DLGAP2: variants seen among roughly 807,000 people sequenced by gnomAD.
DLGAP2 encodes disks large-associated protein 2.
DLGAP2 carries 26 observed loss-of-function variants against 100.3 expected under a neutral mutation model. The observed-to-expected ratio is 0.26, with a 90% CI of 0.19 to 0.36. The LOEUF (loss-of-function observed/expected upper bound fraction) is 0.36. Ranked by LOEUF, DLGAP2 falls within the 10% of genes least tolerant of loss-of-function variation. The pLI is 1.00. For synonymous variants in DLGAP2, 886 were observed against 630.1 expected (o/e 1.41, Z -6.08); for missense variants, 1,858 against 1,453.2 (o/e 1.28, Z -4.53).
chr8:831,907 C>G lies in DLGAP2; in HGVS notation c.19-76005C>G, dbSNP rs1796791624. On this transcript the variant is annotated intron_variant, in intron 1 of 14. Transcript: ENST00000637795. ...TCCAGACTTTTTAATAATCACCATG[C>G]TGACTGGCGTGAGATGGTATCTCAT... Among the ~76,000 whole-genome samples, 4 of 152,184 alleles carry G rather than the reference C, an allele frequency of 2.6e-5. No individual in the cohort carries two copies. In the South Asian group the frequency reaches 8.3e-4, roughly 32 times the overall value.
chr8:1,497,263 C>A (rs541270556), intron 3 of DLGAP2, among the ~76,000 whole-genome samples: 1 of 152,190 alleles, frequency 6.6e-6, no homozygotes, highest in East Asian at 1.9e-4. Context: ...CAGAGGTCGG[C>A]GCTGTCAGTT....
At chr8:1,204,143 G>A (rs957148243) in intron 2 of DLGAP2, among the ~76,000 whole-genome samples, 4 of 152,326 alleles carry the variant, frequency 2.6e-5, no homozygotes, top group African/African-American at 4.8e-5. Flanking sequence ...CAGCAATGCC[G>A]GTCCACAGAC....
chr8:1,418,000 G>T (rs533835219), intron 3 of DLGAP2, among the ~76,000 whole-genome samples: 2 of 152,308 alleles, frequency 1.3e-5, no homozygotes, highest in African/African-American at 4.8e-5. Flanking sequence ...CACGTTTGGA[G>T]AATGGGCTCT....
intron 2 of DLGAP2, among the ~76,000 whole-genome samples, chr8:1,043,057 G>T (rs1802406579): frequency 6.7e-6 from 1 of 148,402 alleles, no homozygotes; most frequent in Admixed American, 6.7e-5. Flanking sequence ...TGGCTGGCAG[G>T]TGGTGGATGT....
chr8:1,347,393 G>A (rs987547283), intron 3 of DLGAP2, among the ~76,000 whole-genome samples: 1 of 151,684 alleles, frequency 6.6e-6, no homozygotes, highest in Non-Finnish European at 1.5e-5. Flanking sequence ...TGGTAGCTGT[G>A]TGGAGGTTCA....
chr8:798,399 C>T (rs1438820270), intron 1 of DLGAP2, among the ~76,000 whole-genome samples: 2 of 149,336 alleles, frequency 1.3e-5, no homozygotes, highest in African/African-American at 4.9e-5. Context: ...CGGGTGCCTG[C>T]TTCCGTTGGC....
At chr8:1,256,381 T>C in intron 2 of DLGAP2, among the ~76,000 whole-genome samples, 1 of 130,506 alleles carries the variant, frequency 7.7e-6, no homozygotes, top group Non-Finnish European at 1.6e-5. Flanking sequence ...TGTCCTCTCA[T>C]CCTGCCTGGG....
chr8:1,330,504 G>T (rs567992662), intron 3 of DLGAP2, among the ~76,000 whole-genome samples: 1 of 140,872 alleles, frequency 7.1e-6, no homozygotes, highest in East Asian at 2.2e-4. Flanking sequence ...TGGGAGCACC[G>T]CTTCACGGGG....
rs567737854 is a variant in DLGAP2, at chr8:1,110,879, C to T, written c.74-147972C>T. ...GTGCCTGGTGCAGGGCTCAGCTACCCCTGTCTGTGGGGCCCTTCCCTGTGG... is the reference window on the plus strand; with the variant it reads ...GTGCCTGGTGCAGGGCTCAGCTACCTCTGTCTGTGGGGCCCTTCCCTGTGG... On this transcript the variant is annotated intron_variant, in intron 2 of 14. Transcript: ENST00000637795. 5.9e-5 allele frequency among the ~76,000 whole-genome samples: 9 copies of T among 152,168 alleles called. No individual in the cohort carries two copies. In the East Asian group the frequency reaches 1.6e-3, roughly 26 times the overall value.
rs1368809073 is a variant in DLGAP2 at position 1,227,169 on chromosome 8, TATATAG to T, written c.74-31681_74-31676del. On this transcript the variant is annotated intron_variant, in intron 2 of 14. Coordinates refer to ENST00000637795, the MANE Select transcript of DLGAP2 (RefSeq NM_001346810.2). Reference sequence around the variant, plus strand: ...AAACTGTGAGATATATATATATATATATATAGTATAGATATATATTATCCATTCATT... The same window carrying T: ...AAACTGTGAGATATATATATATATATTATAGATATATATTATCCATTCATT... Among the ~76,000 whole-genome samples the T allele has an allele frequency of 5.2e-5, 7 of 134,762 alleles. 1 individual carries two copies. The highest frequency in any genetic ancestry group is 2.2e-4 in the African/African-American group (7 of 31,382). 88.4% of individuals were successfully genotyped at this position (134,762 alleles called of 152,430 possible). A position where few individuals can be genotyped will look rare whatever the true frequency, so the allele number is the denominator to read the frequency against.
At chr8:998,483 T>C (rs1412592495) in intron 2 of DLGAP2, among the ~76,000 whole-genome samples, 5 of 148,076 alleles carry the variant, frequency 3.4e-5, no homozygotes, top group African/African-American at 7.4e-5. Flanking sequence ...TTTTTTTTTT[T>C]CTAGAGATAG....
chr8:762,050 C>T (rs772688530), intron 1 of DLGAP2, among the ~76,000 whole-genome samples: 12 of 152,114 alleles, frequency 7.9e-5, no homozygotes, highest in Admixed American at 5.9e-4. Context: ...TGGGTTTTGG[C>T]GTATATCTTC....
intron 2 of DLGAP2, among the ~76,000 whole-genome samples, chr8:983,477 C>T (rs1012679911): frequency 3.3e-5 from 5 of 152,296 alleles, no homozygotes; most frequent in African/African-American, 7.2e-5. Context: ...TTAGAATCCA[C>T]GTGTTGGTGG....
At chr8:773,794 A>G (rs1372652225) in intron 1 of DLGAP2, among the ~76,000 whole-genome samples, 5 of 152,154 alleles carry the variant, frequency 3.3e-5, no homozygotes, top group Non-Finnish European at 7.3e-5. Flanking sequence ...TGTGAATAAT[A>G]CCACAATAAA....
rs1563224713 is a variant in DLGAP2 at position 1,565,871 on chromosome 8, G to C, written c.1419G>C (p.Gln473His). 6.2e-7 allele frequency: 1 copy of C among 1,609,524 alleles called. No homozygotes were observed. Among genetic ancestry groups the C allele is most frequent in the Middle Eastern group, 1.7e-4 (1 of 5,898 alleles). Residue 473 changes from glutamine to histidine, a missense_variant, in exon 6 of 15, where the codon CAG (glutamine) becomes CAC (histidine). By Grantham distance (24) the Gln-to-His change is conservative. Coordinates refer to ENST00000637795, the MANE Select transcript of DLGAP2 (RefSeq NM_001346810.2). Reference sequence around the variant, plus strand: ...AGCCGCTGCTGAAGTCCATCGGACAGAGACCGCTTGGAGAGCACCAGACGT... The same window carrying C: ...AGCCGCTGCTGAAGTCCATCGGACACAGACCGCTTGGAGAGCACCAGACGT... ...LPEPLLKSIG[Q>H]RPLGEHQTQT...
At chr8:1,650,240 AG>A (rs1474031943) in intron 8 of DLGAP2, among the ~76,000 whole-genome samples, 2 of 152,262 alleles carry the variant, frequency 1.3e-5, no homozygotes, top group Admixed American at 6.5e-5. Flanking sequence ...GATAATGGAG[AG>A]GTACTTTATA....
intron 6 of DLGAP2, among the ~76,000 whole-genome samples, chr8:1,608,823 G>A (rs959590041): frequency 6.6e-6 from 1 of 150,868 alleles, no homozygotes; most frequent in East Asian, 2.0e-4. Context: ...AATGAAGCGA[G>A]AAGGGAAGGT....
At chr8:1,204,963 T>G (rs1052755828) in intron 2 of DLGAP2, among the ~76,000 whole-genome samples, 1 of 152,172 alleles carries the variant, frequency 6.6e-6, no homozygotes, top group African/African-American at 2.4e-5. Flanking sequence ...GCAGGATTAA[T>G]TCAGTGGGGC....
At chr8:1,196,532 C>T (rs1000511148) in intron 2 of DLGAP2, among the ~76,000 whole-genome samples, 1 of 152,180 alleles carries the variant, frequency 6.6e-6, no homozygotes, top group Non-Finnish European at 1.5e-5. Context: ...ATTTTCATAG[C>T]ATGGAGTTTC....
Sources: allele counts gnomAD v4.1 joint callset (sites outside exome capture counted in the v4.1 genomes callset), GRCh38; gene constraint gnomAD v4.1.1; transcripts MANE v1.5; gene names NCBI Gene and HGNC (gene_info 2026-07-23, HGNC 2026-07-21).